Variants in GPR22 observed in about 807,000 individuals in gnomAD.
GPR22 encodes the protein G protein-coupled receptor 22.
A neutral mutation model predicts 31.0 loss-of-function variants in GPR22; 13 were observed. The ratio of observed to expected loss-of-function variants is 0.42; its 90% CI spans 0.27 to 0.67. The LOEUF (loss-of-function observed/expected upper bound fraction) is 0.67, where lower values mean the gene tolerates loss of function less well. Ranked by LOEUF, GPR22 falls within the 30% of genes least tolerant of loss-of-function variation. GPR22 has a pLI of 0.25. For missense variants in GPR22, 368 were observed against 509.6 expected (o/e 0.72, Z 2.67); for synonymous variants, 191 against 173.4 (o/e 1.10, Z -0.80).
downstream of GPR22, among the ~76,000 whole-genome samples, chr7:107,475,829 C>T (rs547959936): frequency 2.6e-5 from 4 of 151,596 alleles, no homozygotes; most frequent in Non-Finnish European, 4.4e-5. Context: ...TTTTCCATAC[C>T]ACTATGCTAT....
chr7:107,472,447 A>G (rs539736564), intron 2 of GPR22, 145 bp downstream of exon 2: 2 of 152,014 alleles, frequency 1.3e-5, no homozygotes, highest in African/African-American at 4.8e-5. Context: ...AACATTTACG[A>G]AAGAACAGAA....
chr7:107,476,350 T>G (rs1207700295), downstream of GPR22, among the ~76,000 whole-genome samples: 1 of 150,966 alleles, frequency 6.6e-6, no homozygotes, highest in Non-Finnish European at 1.5e-5. Flanking sequence ...TAACAAAGCC[T>G]CTAATATTAG....
At chr7:107,473,847 C>T (rs1288094707) in intron 2 of GPR22, among the ~76,000 whole-genome samples, 188 bp from the exon 3 acceptor site, 2 of 151,898 alleles carry the variant, frequency 1.3e-5, no homozygotes, top group Admixed American at 1.3e-4. Context: ...AAAAGGAAAA[C>T]ACAATTTTCT....
chr7:107,476,620 T>C (rs758225201), downstream of GPR22, among the ~76,000 whole-genome samples: 8 of 151,650 alleles, frequency 5.3e-5, no homozygotes, highest in Non-Finnish European at 7.4e-5. Flanking sequence ...CAAACAAATA[T>C]TTTCCAATTG....
In GPR22 at chr7:107,474,022, T is replaced by C; in HGVS notation, c.-26-13T>C. The C allele has an allele frequency of 2.8e-6, 3 of 1,062,296 alleles. No homozygotes were observed. The highest frequency in any genetic ancestry group is 3.1e-5 in the South Asian group (2 of 65,020). 65.8% of individuals were successfully genotyped at this position (1,062,296 alleles called of 1,614,324 possible). The stretch of plus-strand genomic sequence containing the variant: ...GCCAAATATCAAATAGTTTATTCTA[T>C]TTCACTTTCTAGGGAAAAAAACCAA... On this transcript the variant is annotated splice_polypyrimidine_tract_variant and intron_variant, in intron 2 of 2. Transcript: ENST00000304402. This position sits in a 1 kb window ranked among gnomAD's most constrained non-coding sequence, Gnocchi z 5.7.
chr7:107,473,438 G>T (rs1238986773), intron 2 of GPR22, among the ~76,000 whole-genome samples: 2 of 151,784 alleles, frequency 1.3e-5, no homozygotes, highest in Non-Finnish European at 2.9e-5. Context: ...TTAATCACTG[G>T]CCTATTTCTG....
chr7:107,475,013 T>G lies in GPR22; in HGVS notation c.953T>G (p.Ile318Ser). The G allele has an allele frequency of 6.2e-7, 1 of 1,613,048 alleles. No homozygotes were observed. The highest frequency in any genetic ancestry group is 1.1e-5 in the South Asian group (1 of 91,052). ...AGAGTCTTCAGGATGTCTTTATTGA[T>G]TATTTCTACATTTCTTCTCTGCTGG... ...QKRVFRMSLL[I>S]ISTFLLCWTP... The change falls in exon 3 of 3, where the codon ATT becomes AGT. Residue 318 changes from isoleucine (I) to serine (S), a missense_variant. Coordinates refer to ENST00000304402, the MANE Select transcript of GPR22 (RefSeq NM_005295.3).
At chr7:107,476,496 G>A (rs146988017), downstream of GPR22, among the ~76,000 whole-genome samples, 54 of 151,438 alleles carry the variant, frequency 3.6e-4, no homozygotes, top group African/African-American at 1.1e-3. Flanking sequence ...CTTTTCTACC[G>A]TACCATCACT....
intron 2 of GPR22, chr7:107,473,101 C>T (rs1475970613): frequency 6.6e-6 from 1 of 151,614 alleles, no homozygotes; most frequent in East Asian, 1.9e-4. Context: ...ACTTTAAAAG[C>T]TTCCTCAAAA....
In GPR22 at chr7:107,475,321, A is replaced by G. The variant is rs747418779; in HGVS notation, c.1261A>G (p.Ile421Val). Reference protein sequence around the residue: ...NKKITFEDSEIREKCLVPQVV... With the variant: ...NKKITFEDSEVREKCLVPQVV... Reference sequence around the variant, plus strand: ...AAAAATTACCTTTGAAGATAGTGAAATAAGAGAAAAATGTTTAGTGCCTCA... The same window carrying G: ...AAAAATTACCTTTGAAGATAGTGAAGTAAGAGAAAAATGTTTAGTGCCTCA... Residue 421 changes from isoleucine (I) to valine (V), a missense_variant, in exon 3 of 3, where the codon ATA (isoleucine) becomes GTA (valine). By Grantham distance (29) the Ile-to-Val change is conservative. Transcript: ENST00000304402. The G allele has an allele frequency of 7.0e-6, 11 of 1,570,674 alleles. No individual in the cohort carries two copies. In the South Asian group the frequency reaches 8.4e-5, roughly 12 times the overall value.
rs1036157457 is a variant in GPR22 at position 107,474,906 on chromosome 7, T to C, written c.846T>C (p.Phe282=). ...GCAGTGGTGGGAGAAATGTAGTCTT[T>C]GGTGTAAGAACTTCAGTTTCTGTAA... is the stretch of plus-strand genomic sequence containing the variant. ...SQSSGGRNVV[F]GVRTSVSVII... Residue 282 remains phenylalanine (F), a synonymous_variant, in exon 3 of 3, where the codon TTT becomes TTC. Transcript: ENST00000304402. This position sits in a 1 kb window ranked among gnomAD's most constrained non-coding sequence, Gnocchi z 5.7. 1 of 1,613,274 alleles carries C rather than the reference T, an allele frequency of 6.2e-7. No individual in the cohort carries two copies. The highest frequency in any genetic ancestry group is 2.2e-5 in the East Asian group (1 of 44,824).
chr7:107,476,183 TTAAAAAA>T (rs1317533206), downstream of GPR22, among the ~76,000 whole-genome samples: 36 of 86,486 alleles, frequency 4.2e-4, 1 homozygote, highest in South Asian at 5.9e-3. Context: ...TGCAATGATT[TTAAAAAA>T]AAAAAAAAAA....
In GPR22 at chr7:107,474,617, G is replaced by C; in HGVS notation, c.557G>C (p.Ser186Thr). Residue 186 changes from serine (S) to threonine (T), a missense_variant, in exon 3 of 3, where the codon AGT becomes ACT. Physicochemically the swap from Ser to Thr is moderately conservative, Grantham distance 58. Coordinates refer to ENST00000304402, the MANE Select transcript of GPR22 (RefSeq NM_005295.3). The surrounding 1 kb of genome is among the most constrained non-coding windows in gnomAD (Gnocchi z 5.7). ...GAGGTAAATTTTTTCAGTCTTCAAA[G>C]TGGAAATACCTGGGAAAACAAGACA... ...FIEVNFFSLQ[S>T]GNTWENKTLL... 5 of 1,610,964 alleles carry C rather than the reference G, an allele frequency of 3.1e-6. No individual in the cohort carries two copies. The highest frequency in any genetic ancestry group is 4.2e-6 in the Non-Finnish European group (5 of 1,178,472).
chr7:107,474,289 A>G lies in GPR22; in HGVS notation c.229A>G (p.Ser77Gly), dbSNP rs757666894. The G allele has an allele frequency of 6.2e-7, 1 of 1,611,524 alleles. No homozygotes were observed. Among genetic ancestry groups the G allele is most frequent in the East Asian group, 2.2e-5 (1 of 44,838 alleles). ...GAAATCCAACTTAATCAACTCTGTC[A>G]GTAACATTATTACAATGAATCTTCA... ...CMKSNLINSV[S>G]NIITMNLHVL... Residue 77 changes from serine to glycine, a missense_variant, in exon 3 of 3, where the codon AGT (serine) becomes GGT (glycine). Ser to Gly is a moderately conservative substitution (Grantham distance 56). Coordinates refer to ENST00000304402, the MANE Select transcript of GPR22 (RefSeq NM_005295.3). The surrounding 1 kb of genome is among the most constrained non-coding windows in gnomAD (Gnocchi z 5.7).
chr7:107,470,311 T>A lies in GPR22; in HGVS notation c.-1092T>A, dbSNP rs1796560271. On this transcript the variant is annotated 5_prime_UTR_variant, in exon 1 of 3. Coordinates refer to ENST00000304402, the MANE Select transcript of GPR22 (RefSeq NM_005295.3). ...ACAATGGCACACTACAGACACATAT[T>A]TTCATTAAGGTCATTTTCGAAGAGA... 2 of 152,182 alleles carry A rather than the reference T, an allele frequency of 1.3e-5. No individual in the cohort carries two copies. The highest frequency in any genetic ancestry group is 4.8e-5 in the African/African-American group (2 of 41,448). The allele number at this position is 152,182 out of a possible 1,614,324, so 9.4% of individuals were successfully genotyped here. A position where few individuals can be genotyped will look rare whatever the true frequency, so the allele number is the denominator to read the frequency against.
At position 107,474,921 on chromosome 7, in the gene GPR22, A is replaced by C. The variant is rs754110010; in HGVS notation, c.861A>C (p.Ser287=). ...ATGTAGTCTTTGGTGTAAGAACTTC[A>C]GTTTCTGTAATAATTGCCCTCCGGC... ...GRNVVFGVRT[S]VSVIIALRRA... Residue 287 remains serine, a synonymous_variant, in exon 3 of 3, where the codon TCA becomes TCC. Transcript: ENST00000304402. The surrounding 1 kb of genome is among the most constrained non-coding windows in gnomAD (Gnocchi z 5.7). 2.3e-5 allele frequency: 37 copies of C among 1,612,992 alleles called. No individual in the cohort carries two copies. The highest frequency in any genetic ancestry group is 3.0e-5 in the Non-Finnish European group (35 of 1,179,488).
In GPR22 at chr7:107,474,832, A is replaced by C. The variant is rs191712836; in HGVS notation, c.772A>C (p.Lys258Gln). 9.9e-6 allele frequency: 16 copies of C among 1,613,264 alleles called. No individual in the cohort carries two copies. The highest frequency in any genetic ancestry group is 8.5e-7 in the Non-Finnish European group (1 of 1,179,614). The part of the protein sequence containing the change: ...TGQKKKARKK[K>Q]TISLTTQHEA... ...GCAGAAGAAGAAAGCAAGAAAGAAA[A>C]AGACAATTTCTCTAACCACACAACA... The change falls in exon 3 of 3, where the codon AAG becomes CAG. Residue 258 changes from lysine to glutamine, a missense_variant. Physicochemically the swap from Lys to Gln is moderately conservative, Grantham distance 53. Coordinates refer to ENST00000304402, the MANE Select transcript of GPR22 (RefSeq NM_005295.3). The surrounding 1 kb of genome is among the most constrained non-coding windows in gnomAD (Gnocchi z 5.7).
In GPR22 at chr7:107,471,456, G is replaced by A. The variant is rs530829298; in HGVS notation, c.-873G>A. ...GCATCTCCCTAGCTGTCTGAACTAC[G>A]AACTGCAAGATGTTCTTGTAACACG... On this transcript the variant is annotated 5_prime_UTR_variant, in exon 2 of 3. Transcript: ENST00000304402. 1.9e-4 allele frequency: 29 copies of A among 152,056 alleles called. No homozygotes were observed. Among genetic ancestry groups the A allele is most frequent in the Middle Eastern group, 6.8e-3 (2 of 294 alleles). The allele number at this position is 152,056 out of a possible 1,614,324, so 9.4% of individuals were successfully genotyped here. A position where few individuals can be genotyped will look rare whatever the true frequency, so the allele number is the denominator to read the frequency against.
At position 107,474,406 on chromosome 7, in the gene GPR22, T is replaced by G; in HGVS notation, c.346T>G (p.Cys116Gly). ...SLESNTALIC[C>G]FHEACVSFAS... ...GGAGAGTAACACTGCTCTCATTTGC[T>G]GTTTCCATGAGGCTTGTGTATCTTT... Residue 116 changes from cysteine to glycine, a missense_variant, in exon 3 of 3, where the codon TGT (cysteine) becomes GGT (glycine). By Grantham distance (159) the Cys-to-Gly change is radical. Transcript: ENST00000304402. The surrounding 1 kb of genome is among the most constrained non-coding windows in gnomAD (Gnocchi z 5.7). The G allele has an allele frequency of 1.2e-6, 2 of 1,613,024 alleles. No individual in the cohort carries two copies. Among genetic ancestry groups the G allele is most frequent in the Non-Finnish European group, 1.7e-6 (2 of 1,179,144 alleles).
Sources: gnomAD v4.1 joint callset for allele counts (sites outside exome capture counted in the v4.1 genomes callset) on GRCh38, gnomAD v4.1.1 for gene constraint, Gnocchi (gnomAD v3.1) non-coding constraint, MANE v1.5 for transcripts, NCBI Gene and HGNC (gene_info 2026-07-23, HGNC 2026-07-21) for gene names.